FHIT: variants seen among roughly 807,000 people sequenced by gnomAD.
The protein encoded by FHIT is fragile histidine triad diadenosine triphosphatase.
Under a neutral mutation model 17.9 loss-of-function variants are expected in FHIT, and 19 were observed. That is an observed-to-expected ratio of 1.06 (90% confidence interval 0.74 to 1.56). The LOEUF is 1.56. Ranked by LOEUF, FHIT falls within the 40% of genes most tolerant of loss-of-function variation. The probability of loss-of-function intolerance (pLI) is 0.00; values close to 1 mark genes in which losing one functional copy is unlikely to be tolerated. For synonymous variants in FHIT, 81 were observed against 69.7 expected, an observed-to-expected ratio of 1.16 and a Z score of -0.81; for missense variants, 248 against 189.2, an observed-to-expected ratio of 1.31 and a Z score of -1.82.
intron 5 of FHIT, among the ~76,000 whole-genome samples, chr3:60,507,789 C>T (rs2034793554): frequency 6.6e-6 from 1 of 152,136 alleles, no homozygotes; most frequent in South Asian, 2.1e-4. Flanking sequence ...CTTTCCTGTT[C>T]CTGCATTAGT....
chr3:61,034,173 C>A (rs1308287591), intron 3 of FHIT, among the ~76,000 whole-genome samples: 9 of 152,200 alleles, frequency 5.9e-5, no homozygotes, highest in Non-Finnish European at 2.9e-5. Flanking sequence ...TTGAAGAAAG[C>A]ATAGGGGTAA....
intron 7 of FHIT, among the ~76,000 whole-genome samples, chr3:59,964,910 G>A (rs1410306948): frequency 6.6e-6 from 1 of 151,900 alleles, no homozygotes; most frequent in Non-Finnish European, 1.5e-5. Flanking sequence ...ATATCCATCG[G>A]GCCATAAATT....
At chr3:60,283,719 C>T (rs1005255428) in intron 5 of FHIT, among the ~76,000 whole-genome samples, 1 of 152,026 alleles carries the variant, frequency 6.6e-6, no homozygotes, top group African/African-American at 2.4e-5. Context: ...AGTTTCCACT[C>T]AGAAGACTGT....
At chr3:60,328,454 G>A (rs554920204) in intron 5 of FHIT, among the ~76,000 whole-genome samples, 1 of 152,330 alleles carries the variant, frequency 6.6e-6, no homozygotes, top group South Asian at 2.1e-4. Context: ...ATGACAGCAA[G>A]CAAGAGAGCG....
At chr3:60,018,080 C>G (rs887129457) in intron 5 of FHIT, among the ~76,000 whole-genome samples, 13 of 152,150 alleles carry the variant, frequency 8.5e-5, no homozygotes, top group Non-Finnish European at 1.6e-4. Flanking sequence ...TGAAGGCTGT[C>G]CAAGAAGCAC....
At chr3:60,364,107 A>T (rs974703211) in intron 5 of FHIT, among the ~76,000 whole-genome samples, 2 of 152,178 alleles carry the variant, frequency 1.3e-5, no homozygotes, top group African/African-American at 4.8e-5. Context: ...ATACTCTTTA[A>T]TATATGCTGA....
intron 2 of FHIT, among the ~76,000 whole-genome samples, chr3:61,132,440 G>A (rs571304819): frequency 1.3e-5 from 2 of 152,316 alleles, no homozygotes; most frequent in South Asian, 4.1e-4. Context: ...TAATCTTGGT[G>A]CCAGATAAAC....
chr3:60,506,214 C>T (rs1003999517), intron 5 of FHIT, among the ~76,000 whole-genome samples: 1 of 152,122 alleles, frequency 6.6e-6, no homozygotes, highest in Admixed American at 6.6e-5. Flanking sequence ...ACACTGGTTA[C>T]ATAGCACACA....
At chr3:60,672,712 T>C (rs142072949) in intron 4 of FHIT, among the ~76,000 whole-genome samples, 2 of 152,214 alleles carry the variant, frequency 1.3e-5, no homozygotes, top group African/African-American at 4.8e-5. Context: ...TTATATTTAA[T>C]GTAATGATAT....
chr3:60,696,200 G>A (rs183502400), intron 4 of FHIT, among the ~76,000 whole-genome samples: 153 of 152,186 alleles, frequency 1.0e-3, no homozygotes, highest in Admixed American at 2.5e-3. Flanking sequence ...ATCAGTACAG[G>A]TCTTACAAAA....
chr3:61,203,175 G>A lies in FHIT; in HGVS notation c.-212-2510C>T, dbSNP rs1410417093. ...AGCCTGGGCAACAGAGCGAGACTCC[G>A]TCTCAAAAAAAAAAAAAAAAAAAAT... On this transcript the variant is annotated intron_variant, in intron 1 of 9. Transcript: ENST00000492590. 2.8e-3 allele frequency among the ~76,000 whole-genome samples: 140 copies of A among 49,308 alleles called. 2 individuals are homozygous for A. Among genetic ancestry groups the A allele is most frequent in the African/African-American group, 8.0e-3 (126 of 15,830 alleles). 32.3% of individuals were successfully genotyped at this position (49,308 alleles called of 152,430 possible).
chr3:60,352,254 T>C (rs768365849), intron 5 of FHIT, among the ~76,000 whole-genome samples: 6 of 152,166 alleles, frequency 3.9e-5, no homozygotes, highest in Non-Finnish European at 8.8e-5. Flanking sequence ...AAAAATATGC[T>C]AGGAGATTTT....
At chr3:59,827,233 C>A (rs1367195226) in intron 8 of FHIT, among the ~76,000 whole-genome samples, 1 of 152,184 alleles carries the variant, frequency 6.6e-6, no homozygotes, top group Non-Finnish European at 1.5e-5. Context: ...AGTCAAAGAA[C>A]AAGTTTGACT....
At chr3:59,896,786 G>T (rs948046488) in intron 8 of FHIT, among the ~76,000 whole-genome samples, 4 of 152,082 alleles carry the variant, frequency 2.6e-5, no homozygotes, top group African/African-American at 9.7e-5. Flanking sequence ...AAATAATTAA[G>T]GTATTTAATA....
intron 3 of FHIT, among the ~76,000 whole-genome samples, chr3:60,884,818 T>C (rs1238301346): frequency 6.7e-6 from 1 of 149,810 alleles, no homozygotes; most frequent in African/African-American, 2.5e-5. Context: ...AGTGGGAAGA[T>C]CGCTTGAGCC....
chr3:60,838,202 G>A (rs1702599898), intron 3 of FHIT, among the ~76,000 whole-genome samples: 1 of 152,202 alleles, frequency 6.6e-6, no homozygotes. Flanking sequence ...GCTGGGCGTG[G>A]TGGCTCACGC....
chr3:60,040,959 C>T (rs568052460), intron 5 of FHIT, among the ~76,000 whole-genome samples: 2 of 152,066 alleles, frequency 1.3e-5, no homozygotes, highest in Non-Finnish European at 2.9e-5. Context: ...CAATAGCAAA[C>T]CTGTTGCTCC....
chr3:61,188,352 G>T (rs1228510351), intron 2 of FHIT, among the ~76,000 whole-genome samples: 7 of 152,132 alleles, frequency 4.6e-5, no homozygotes, highest in Non-Finnish European at 1.0e-4. Context: ...TAAATTCCCG[G>T]ACACATACAA....
At chr3:60,098,492 T>C (rs1292803545) in intron 5 of FHIT, among the ~76,000 whole-genome samples, 2 of 152,024 alleles carry the variant, frequency 1.3e-5, no homozygotes, top group South Asian at 2.1e-4. Context: ...TTTCATGTGT[T>C]TTTTGGCTGC....
Sources: gnomAD v4.1 joint callset for allele counts (sites outside exome capture counted in the v4.1 genomes callset) on GRCh38, gnomAD v4.1.1 for gene constraint, MANE v1.5 for transcripts, NCBI Gene and HGNC (gene_info 2026-07-23, HGNC 2026-07-21) for gene names.